Variants in LCMT1 observed in about 807,000 individuals in gnomAD.
The protein encoded by LCMT1 is [Phosphatase 2A protein]-leucine-carboxy methyltransferase 1.
LCMT1 carries 32 observed loss-of-function variants against 47.7 expected under a neutral mutation model. The ratio of observed to expected loss-of-function variants is 0.67; its 90% CI spans 0.51 to 0.90. The LOEUF (loss-of-function observed/expected upper bound fraction) is 0.90, where lower values mean the gene tolerates loss of function less well. Ranked by LOEUF, LCMT1 falls within the 40% of genes least tolerant of loss-of-function variation. LCMT1 has a pLI of 0.00. For missense variants in LCMT1, 375 were observed against 415.2 expected, an observed-to-expected ratio of 0.90 and a Z score of 0.84; for synonymous variants, 152 against 149.7, an observed-to-expected ratio of 1.02 and a Z score of -0.11.
chr16:25,169,323 G>C (rs1961685126), intron 8 of LCMT1, 110 bp downstream of exon 8: 1 of 711,992 alleles, frequency 1.4e-6, no homozygotes, highest in Non-Finnish European at 2.5e-6. Context: ...GTGCCTGTCA[G>C]CAGCACAGGC....
chr16:25,152,638 G>C (rs1391914224), intron 5 of LCMT1, among the ~76,000 whole-genome samples: 1 of 152,090 alleles, frequency 6.6e-6, no homozygotes, highest in Non-Finnish European at 1.5e-5. Context: ...ACTAGAAGAC[G>C]TGGTAACATT....
intron 3 of LCMT1, among the ~76,000 whole-genome samples, chr16:25,136,106 A>G (rs1280693245): frequency 6.6e-6 from 1 of 151,720 alleles, no homozygotes; most frequent in Non-Finnish European, 1.5e-5. Context: ...AAAAAAAAAA[A>G]AAAAAGGAAA....
intron 1 of LCMT1, among the ~76,000 whole-genome samples, chr16:25,116,449 C>T (rs1268246504): frequency 6.6e-6 from 1 of 152,066 alleles, no homozygotes; most frequent in Non-Finnish European, 1.5e-5. Context: ...GCAGAGTGCC[C>T]TTGTGTGGGT....
intron 5 of LCMT1, among the ~76,000 whole-genome samples, chr16:25,159,918 G>A (rs185553064): frequency 1.3e-5 from 2 of 151,324 alleles, no homozygotes; most frequent in East Asian, 3.9e-4. Context: ...GAAGTTGAGT[G>A]AATAATAAAA....
At position 25,178,160 on chromosome 16, in the gene LCMT1, T is replaced by TG; in HGVS notation, c.*139dup. 1.4e-6 allele frequency: 1 copy of TG among 707,254 alleles called. No homozygotes were observed. The highest frequency in any genetic ancestry group is 2.4e-6 in the Non-Finnish European group (1 of 409,970). 43.8% of individuals were successfully genotyped at this position (707,254 alleles called of 1,614,324 possible). ...TCTTGAGAAGCCTTGGTCACTACAGTGGTCGCACATGTTCCTCTTCCTGTT... is the reference window on the plus strand; with the variant it reads ...TCTTGAGAAGCCTTGGTCACTACAGTGGGTCGCACATGTTCCTCTTCCTGTT... On this transcript the variant is annotated 3_prime_UTR_variant, in exon 11 of 11. Transcript: ENST00000399069.
chr16:25,146,477 G>C (rs568947514), intron 4 of LCMT1: 1 of 152,534 alleles, frequency 6.6e-6, no homozygotes, highest in African/African-American at 2.4e-5. Context: ...TCCATCCAAG[G>C]TTGGCTGTCT....
chr16:25,148,210 C>T (rs1172180273), intron 4 of LCMT1: 2 of 152,312 alleles, frequency 1.3e-5, no homozygotes, highest in Non-Finnish European at 2.9e-5. Context: ...TTCAGCCTTA[C>T]AGCAGGTCCA....
At position 25,127,091 on chromosome 16, in the gene LCMT1, C is replaced by T. The variant is rs190883884; in HGVS notation, c.114-1384C>T. 6.8e-3 allele frequency among the ~76,000 whole-genome samples: 1,036 copies of T among 152,278 alleles called. 12 individuals carry two copies. Among genetic ancestry groups the T allele is most frequent in the Non-Finnish European group, 9.8e-3 (664 of 68,024 alleles). On this transcript the variant is annotated intron_variant, in intron 1 of 10. Transcript: ENST00000399069. The stretch of plus-strand genomic sequence containing the variant: ...ACTTGAAACAAAAGTAGGCTGGGCA[C>T]GGTGACTCACGCCTGTAATCTCAGC...
chr16:25,139,475 A>G (rs1358081454), intron 3 of LCMT1, among the ~76,000 whole-genome samples: 1 of 151,738 alleles, frequency 6.6e-6, no homozygotes. Context: ...ATGTCATTGC[A>G]CTCCAGCCTG....
intron 7 of LCMT1, 70 bp downstream of exon 7, chr16:25,164,788 T>G: frequency 6.3e-7 from 1 of 1,593,130 alleles, no homozygotes; most frequent in Non-Finnish European, 8.6e-7. Flanking sequence ...CCCAGCACCC[T>G]TAGGATAACT....
chr16:25,161,334 G>C, intron 6 of LCMT1, 130 bp downstream of exon 6: 1 of 522,140 alleles, frequency 1.9e-6, no homozygotes, highest in Non-Finnish European at 3.3e-6. Context: ...TCATTTCATT[G>C]CTACCTAGTT....
intron 5 of LCMT1, among the ~76,000 whole-genome samples, chr16:25,153,355 T>C (rs1361062643): frequency 6.6e-6 from 1 of 152,188 alleles, no homozygotes; most frequent in Non-Finnish European, 1.5e-5. Flanking sequence ...AAGTTTGAGG[T>C]TGAGGGGCCC....
chr16:25,174,730 G>T, intron 9 of LCMT1: 1 of 332,208 alleles, frequency 3.0e-6, no homozygotes, highest in Non-Finnish European at 5.4e-6. Flanking sequence ...TTCTAGTTTG[G>T]CATTTGTATT....
intron 1 of LCMT1, among the ~76,000 whole-genome samples, chr16:25,113,648 G>A (rs1959698270): frequency 6.6e-6 from 1 of 152,144 alleles, no homozygotes; most frequent in Non-Finnish European, 1.5e-5. Context: ...AATTTGAGTG[G>A]ATTATACTCA....
chr16:25,176,287 C>G (rs906566911), intron 10 of LCMT1, among the ~76,000 whole-genome samples: 1 of 152,138 alleles, frequency 6.6e-6, no homozygotes, highest in Non-Finnish European at 1.5e-5. Flanking sequence ...GATCCCAGTT[C>G]CGGCCTTCAG....
intron 1 of LCMT1, among the ~76,000 whole-genome samples, chr16:25,117,813 C>T (rs892629908): frequency 6.6e-6 from 1 of 150,774 alleles, no homozygotes; most frequent in African/African-American, 2.4e-5. Flanking sequence ...GATCGTGCTA[C>T]TGCATTCCGG....
At chr16:25,124,733 C>T (rs898618698) in intron 1 of LCMT1, among the ~76,000 whole-genome samples, 5 of 152,140 alleles carry the variant, frequency 3.3e-5, no homozygotes, top group African/African-American at 7.2e-5. Flanking sequence ...AGTTGACGCT[C>T]GTGGAGACAG....
intron 6 of LCMT1, among the ~76,000 whole-genome samples, chr16:25,163,671 G>A (rs1961500482): frequency 6.6e-6 from 1 of 152,072 alleles, no homozygotes; most frequent in Non-Finnish European, 1.5e-5. Flanking sequence ...TTACTCTTGG[G>A]GTATCTGCTT....
intron 3 of LCMT1, among the ~76,000 whole-genome samples, chr16:25,134,846 C>A (rs2141655236): frequency 6.6e-6 from 1 of 152,292 alleles, no homozygotes; most frequent in East Asian, 1.9e-4. Context: ...AGTGGTCCAC[C>A]TGCCTTAGCC....
Sources: gnomAD v4.1 joint callset for allele counts (sites outside exome capture counted in the v4.1 genomes callset) on GRCh38, gnomAD v4.1.1 for gene constraint, MANE v1.5 for transcripts, NCBI Gene and HGNC (gene_info 2026-07-23, HGNC 2026-07-21) for gene names.